VEPH1: variants seen among roughly 807,000 people sequenced by gnomAD.
VEPH1 encodes ventricular zone-expressed PH domain-containing protein homolog 1.
Under a neutral mutation model 85.2 loss-of-function variants are expected in VEPH1, and 80 were observed. The observed-to-expected ratio is 0.94, with a 90% confidence interval of 0.78 to 1.13. The LOEUF is 1.13. VEPH1 is among the 50% of genes most tolerant of loss of function. The probability of loss-of-function intolerance (pLI) is 0.00; values close to 1 mark genes in which losing one functional copy is unlikely to be tolerated. For missense variants in VEPH1, 955 were observed against 980.5 expected (o/e 0.97, Z 0.35); for synonymous variants, 297 against 348.0 (o/e 0.85, Z 1.63).
intron 6 of VEPH1, among the ~76,000 whole-genome samples, chr3:157,411,500 A>T (rs1731525340): frequency 6.6e-6 from 1 of 152,176 alleles, no homozygotes; most frequent in Non-Finnish European, 1.5e-5. Flanking sequence ...ATACTGATCC[A>T]CAAATAGCTG....
chr3:157,341,309 C>A (rs996530921), intron 9 of VEPH1, among the ~76,000 whole-genome samples: 1 of 152,070 alleles, frequency 6.6e-6, no homozygotes, highest in African/African-American at 2.4e-5. Context: ...ACTAGAATAA[C>A]CAGTGTAGAG....
chr3:157,378,012 C>T (rs1188054449), intron 7 of VEPH1, among the ~76,000 whole-genome samples: 2 of 152,106 alleles, frequency 1.3e-5, no homozygotes, highest in East Asian at 3.9e-4. Context: ...TAGGTGAGCA[C>T]TGGCCAGGAC....
At chr3:157,426,149 A>G (rs1422392446) in intron 5 of VEPH1, among the ~76,000 whole-genome samples, 1 of 152,160 alleles carries the variant, frequency 6.6e-6, no homozygotes, top group Non-Finnish European at 1.5e-5. Context: ...TCTTGGGTAT[A>G]TCTTTATCAG....
chr3:157,496,628 T>A (rs924178109), intron 1 of VEPH1, among the ~76,000 whole-genome samples: 1 of 152,048 alleles, frequency 6.6e-6, no homozygotes, highest in Non-Finnish European at 1.5e-5. Context: ...AGAAAGAGTG[T>A]GAAAAGGGAG....
At chr3:157,407,462 A>G (rs918584655) in intron 6 of VEPH1, among the ~76,000 whole-genome samples, 5 of 152,182 alleles carry the variant, frequency 3.3e-5, no homozygotes, top group Non-Finnish European at 7.4e-5. Flanking sequence ...ATACAAATGT[A>G]AAACAGATAT....
chr3:157,382,363 A>G (rs1407032972), intron 6 of VEPH1, among the ~76,000 whole-genome samples: 1 of 152,188 alleles, frequency 6.6e-6, no homozygotes, highest in East Asian at 1.9e-4. Context: ...AAAACTCCTC[A>G]TTAGCCATAT....
At chr3:157,326,929 A>G (rs1040602638) in intron 9 of VEPH1, among the ~76,000 whole-genome samples, 13 of 152,212 alleles carry the variant, frequency 8.5e-5, no homozygotes, top group Admixed American at 2.6e-4. Context: ...TTCCTCTGTT[A>G]TGGAGTAGAG....
intron 5 of VEPH1, among the ~76,000 whole-genome samples, chr3:157,423,306 C>G (rs1358633871): frequency 1.3e-5 from 2 of 152,202 alleles, no homozygotes; most frequent in Admixed American, 6.5e-5. Flanking sequence ...ACAGAATTCC[C>G]CAGTCCTCTG....
intron 7 of VEPH1, among the ~76,000 whole-genome samples, chr3:157,366,164 GGACAGA>G (rs1577457982): frequency 6.6e-6 from 1 of 152,014 alleles, no homozygotes; most frequent in Non-Finnish European, 1.5e-5. Context: ...CATGAACTCG[GGACAGA>G]GACAAAGTAT....
intron 4 of VEPH1, among the ~76,000 whole-genome samples, chr3:157,439,527 A>C (rs1181085526): frequency 6.6e-6 from 1 of 152,188 alleles, no homozygotes; most frequent in African/African-American, 2.4e-5. Context: ...AAGAGGTATT[A>C]AGAGCCTCGT....
intron 4 of VEPH1, chr3:157,438,059 A>ACC: frequency 1.3e-6 from 1 of 748,642 alleles, no homozygotes; most frequent in Non-Finnish European, 2.1e-6. Flanking sequence ...ACACACACAC[A>ACC]CACACACACA....
chr3:157,458,798 G>T (rs908507148), intron 4 of VEPH1, among the ~76,000 whole-genome samples: 1 of 152,148 alleles, frequency 6.6e-6, no homozygotes, highest in Non-Finnish European at 1.5e-5. Flanking sequence ...GTTAATTTTT[G>T]TATATGGTGA....
chr3:157,347,594 G>A (rs1386638472), intron 9 of VEPH1, among the ~76,000 whole-genome samples: 2 of 152,188 alleles, frequency 1.3e-5, no homozygotes, highest in African/African-American at 2.4e-5. Flanking sequence ...CAAGTGCAGC[G>A]GGGGAGTAGA....
At chr3:157,331,537 G>A (rs1722506108) in intron 9 of VEPH1, among the ~76,000 whole-genome samples, 1 of 152,124 alleles carries the variant, frequency 6.6e-6, no homozygotes, top group South Asian at 2.1e-4. Context: ...AGGGAGAGCG[G>A]GATATATTTG....
At chr3:157,440,238 AG>A (rs1386961945) in intron 4 of VEPH1, among the ~76,000 whole-genome samples, 2 of 152,252 alleles carry the variant, frequency 1.3e-5, no homozygotes, top group Non-Finnish European at 2.9e-5. Context: ...TTAGTGAAAA[AG>A]TATCAAAGCA....
At chr3:157,267,917 A>G (rs1364174472) in intron 12 of VEPH1, among the ~76,000 whole-genome samples, 1 of 152,180 alleles carries the variant, frequency 6.6e-6, no homozygotes, top group Non-Finnish European at 1.5e-5. Flanking sequence ...AAGAGCTTGG[A>G]TGTTTGAGGT....
intron 12 of VEPH1, among the ~76,000 whole-genome samples, chr3:157,281,502 T>C (rs1716113136): frequency 2.0e-5 from 3 of 152,126 alleles, no homozygotes; most frequent in Admixed American, 2.0e-4. Context: ...GACATCATAC[T>C]ACAATGCTAG....
intron 3 of VEPH1, among the ~76,000 whole-genome samples, chr3:157,468,346 T>A (rs1736578467): frequency 6.6e-6 from 1 of 152,094 alleles, no homozygotes; most frequent in Admixed American, 6.6e-5. Context: ...GTAAAAAAAA[T>A]GGTGAATCAC....
At chr3:157,295,708 A>G (rs1053744635) in intron 11 of VEPH1, among the ~76,000 whole-genome samples, 2 of 152,182 alleles carry the variant, frequency 1.3e-5, no homozygotes, top group African/African-American at 4.8e-5. Context: ...TAATCCCAGC[A>G]TGTTGGGAGG....
Sources: gnomAD v4.1 joint callset for allele counts (sites outside exome capture counted in the v4.1 genomes callset) on GRCh38, gnomAD v4.1.1 for gene constraint, MANE v1.5 for transcripts, NCBI Gene and HGNC (gene_info 2026-07-23, HGNC 2026-07-21) for gene names.